SH3BP5: variants seen among roughly 807,000 people sequenced by gnomAD.
SH3BP5 encodes the protein SH3 domain binding protein 5.
SH3BP5 carries 22 observed loss-of-function variants against 43.3 expected under a neutral mutation model. The ratio of observed to expected loss-of-function variants is 0.51; its 90% CI spans 0.36 to 0.73. The LOEUF (loss-of-function observed/expected upper bound fraction) is 0.73, where lower values mean the gene tolerates loss of function less well. Among genes scored for constraint, SH3BP5 ranks in the 30% least tolerant of loss-of-function variants. The pLI, the probability that SH3BP5 is intolerant of heterozygous loss-of-function variation, is 0.00. For missense variants in SH3BP5, 529 were observed against 586.9 expected, an observed-to-expected ratio of 0.90 and a Z score of 1.02; for synonymous variants, 255 against 225.8, an observed-to-expected ratio of 1.13 and a Z score of -1.16.
At chr3:15,278,845 A>G (rs557547628) in intron 3 of SH3BP5, among the ~76,000 whole-genome samples, 1 of 152,260 alleles carries the variant, frequency 6.6e-6, no homozygotes, top group South Asian at 2.1e-4. Context: ...CATTATTTCT[A>G]TCAAAATTTT....
At chr3:15,286,607 G>A (rs1410306064) in intron 3 of SH3BP5, among the ~76,000 whole-genome samples, 1 of 152,150 alleles carries the variant, frequency 6.6e-6, no homozygotes, top group Non-Finnish European at 1.5e-5. Flanking sequence ...CAGTGCAGTG[G>A]CAGTGGCACA....
chr3:15,303,571 G>A (rs534545719), intron 3 of SH3BP5, among the ~76,000 whole-genome samples: 25 of 151,918 alleles, frequency 1.6e-4, no homozygotes, highest in African/African-American at 5.8e-4. Context: ...TCTGGTCTCC[G>A]TTTCACTGCT....
intron 2 of SH3BP5, among the ~76,000 whole-genome samples, chr3:15,316,118 T>G (rs1477517076): frequency 6.6e-6 from 1 of 151,950 alleles, no homozygotes; most frequent in Non-Finnish European, 1.5e-5. Flanking sequence ...TTTTGTTATC[T>G]AACACTCTTT....
At chr3:15,299,914 C>A (rs143913821) in intron 3 of SH3BP5, among the ~76,000 whole-genome samples, 1 of 152,094 alleles carries the variant, frequency 6.6e-6, no homozygotes, top group African/African-American at 2.4e-5. Context: ...AAATGGCATA[C>A]GTACTTTTAT....
At chr3:15,308,374 T>C (rs1697967329) in intron 2 of SH3BP5, among the ~76,000 whole-genome samples, 1 of 152,040 alleles carries the variant, frequency 6.6e-6, no homozygotes, top group Non-Finnish European at 1.5e-5. Context: ...AAGGAGGAAA[T>C]AGAGGCAAGG....
chr3:15,332,262 G>A lies in SH3BP5; in HGVS notation c.138+9C>T, dbSNP rs1183674635. The A allele has an allele frequency of 2.6e-6, 4 of 1,551,658 alleles. No homozygotes were observed. Among genetic ancestry groups the A allele is most frequent in the Admixed American group, 1.9e-5 (1 of 51,650 alleles). Reference sequence around the variant, plus strand: ...AAGCCCGGATGCGGGGCGACCCCGCGCGCCCTACCTGGATCCGGGGATCCA... The same window carrying A: ...AAGCCCGGATGCGGGGCGACCCCGCACGCCCTACCTGGATCCGGGGATCCA... On this transcript the variant is annotated intron_variant, in intron 1 of 8. Coordinates refer to ENST00000383791, the MANE Select transcript of SH3BP5 (RefSeq NM_004844.5).
intron 5 of SH3BP5, among the ~76,000 whole-genome samples, chr3:15,261,042 T>G (rs1696419378): frequency 6.6e-6 from 1 of 152,174 alleles, no homozygotes; most frequent in Non-Finnish European, 1.5e-5. Flanking sequence ...CCTCCTTGGG[T>G]GTTGGCATGT....
rs1698640082 is a variant in SH3BP5, at chr3:15,332,477, T to C, written c.-69A>G. 6 of 1,396,044 alleles carry C rather than the reference T, an allele frequency of 4.3e-6. No individual in the cohort carries two copies. The East Asian group carries it at 1.5e-4, about 35-fold the overall frequency. 86.5% of individuals were successfully genotyped at this position (1,396,044 alleles called of 1,614,324 possible). A position where few individuals can be genotyped will look rare whatever the true frequency, so the allele number is the denominator to read the frequency against. ...CCCGGGGGTCGCGGCTGCCACAGGC[T>C]GGGCTGGAGCCGCCTCGCCACAGCC... On this transcript the variant is annotated 5_prime_UTR_variant, in exon 1 of 9. Coordinates refer to ENST00000383791, the MANE Select transcript of SH3BP5 (RefSeq NM_004844.5).
chr3:15,332,597 C>A (rs920236607), upstream of SH3BP5: 23 of 1,197,712 alleles, frequency 1.9e-5, no homozygotes, highest in Non-Finnish European at 2.4e-5. Context: ...GAAATGGGCG[C>A]GGCCGCCCCC....
At chr3:15,261,291 G>C (rs1339701592) in intron 5 of SH3BP5, among the ~76,000 whole-genome samples, 1 of 152,238 alleles carries the variant, frequency 6.6e-6, no homozygotes, top group East Asian at 1.9e-4. Context: ...GGAAGAGTGT[G>C]AGCAGAAACT....
upstream of SH3BP5, chr3:15,333,302 C>T (rs1044545493): frequency 6.1e-6 from 6 of 983,402 alleles, no homozygotes; most frequent in Non-Finnish European, 7.2e-6. Flanking sequence ...TATGAAATGT[C>T]AGGGCCACTG....
intron 4 of SH3BP5, among the ~76,000 whole-genome samples, chr3:15,263,898 T>C (rs1343212468): frequency 6.6e-6 from 1 of 152,202 alleles, no homozygotes; most frequent in Non-Finnish European, 1.5e-5. Flanking sequence ...TATTCTCTAA[T>C]TCTGTATTCT....
At chr3:15,267,062 T>G (rs150227565) in intron 4 of SH3BP5, among the ~76,000 whole-genome samples, 2 of 152,312 alleles carry the variant, frequency 1.3e-5, no homozygotes, top group Non-Finnish European at 2.9e-5. Context: ...GCTCCCTTGT[T>G]CTACAGAAAC....
chr3:15,340,314 A>T (rs1698751015), intron 1 of SH3BP5, among the ~76,000 whole-genome samples: 1 of 152,234 alleles, frequency 6.6e-6, no homozygotes, highest in South Asian at 2.1e-4. Flanking sequence ...GTATTTTAAA[A>T]ATACAAGAAA....
chr3:15,313,854 C>G (rs1698120868), intron 2 of SH3BP5, among the ~76,000 whole-genome samples: 1 of 152,144 alleles, frequency 6.6e-6, no homozygotes, highest in Non-Finnish European at 1.5e-5. Context: ...GTAATCCCAG[C>G]ACTTTGGGAG....
intron 4 of SH3BP5, among the ~76,000 whole-genome samples, chr3:15,269,237 G>T (rs984432561): frequency 2.0e-5 from 3 of 152,078 alleles, no homozygotes; most frequent in Non-Finnish European, 4.4e-5. Context: ...AGCCCAGAAG[G>T]CCTGTCGTAA....
At chr3:15,322,929 G>T (rs1238910558) in intron 2 of SH3BP5, among the ~76,000 whole-genome samples, 2 of 151,824 alleles carry the variant, frequency 1.3e-5, no homozygotes, top group Non-Finnish European at 2.9e-5. Context: ...ATCATTTGAG[G>T]TCAGGAGTTG....
rs535608651 is a variant in SH3BP5 at position 15,255,360 on chromosome 3, G to C, written c.*726C>G. On this transcript the variant is annotated 3_prime_UTR_variant, in exon 9 of 9. Coordinates refer to ENST00000383791, the MANE Select transcript of SH3BP5 (RefSeq NM_004844.5). ...TGGCTGGCAGGATAAGGCTTATGCT[G>C]TAGAACCTTCTCCCCCACAGCCACA... is the stretch of plus-strand genomic sequence containing the variant. The C allele has an allele frequency of 6.6e-6, 1 of 152,648 alleles. No homozygotes were observed. Among genetic ancestry groups the C allele is most frequent in the Admixed American group, 6.5e-5 (1 of 15,294 alleles). The allele number at this position is 152,648 out of a possible 1,614,324, so 9.5% of individuals were successfully genotyped here. A position where few individuals can be genotyped will look rare whatever the true frequency, so the allele number is the denominator to read the frequency against.
chr3:15,331,811 G>A (rs1316563930), intron 1 of SH3BP5: 1 of 158,978 alleles, frequency 6.3e-6, no homozygotes, highest in African/African-American at 2.4e-5. Context: ...CTGCACCCGG[G>A]GCACCGGTGC....
Sources: allele counts gnomAD v4.1 joint callset (sites outside exome capture counted in the v4.1 genomes callset), GRCh38; gene constraint gnomAD v4.1.1; transcripts MANE v1.5; gene names NCBI Gene and HGNC (gene_info 2026-07-23, HGNC 2026-07-21).